The following GSAP variants were observed in gnomAD, a reference collection of about 807,000 sequenced individuals.
GSAP encodes gamma-secretase activating protein, also known as gamma-secretase-activating protein.
A neutral mutation model predicts 131.7 loss-of-function variants in GSAP; 118 were observed. The ratio of observed to expected loss-of-function variants is 0.90; its 90% CI spans 0.77 to 1.04. The LOEUF (loss-of-function observed/expected upper bound fraction) is 1.04. Among genes scored for constraint, GSAP ranks in the 50% least tolerant of loss-of-function variants. The pLI is 0.00. For synonymous variants in GSAP, 381 were observed against 363.4 expected, an observed-to-expected ratio of 1.05 and a Z score of -0.55; for missense variants, 1,019 against 1,013.2, an observed-to-expected ratio of 1.01 and a Z score of -0.08.
intron 5 of GSAP, among the ~76,000 whole-genome samples, chr7:77,391,188 T>TA (rs1799478833): frequency 6.6e-6 from 1 of 150,792 alleles, no homozygotes; most frequent in African/African-American, 2.4e-5. Flanking sequence ...CTTTTTTTTT[T>TA]AAGCAGGAAT....
At chr7:77,364,300 A>T (rs760952971) in intron 12 of GSAP, among the ~76,000 whole-genome samples, 35 of 152,126 alleles carry the variant, frequency 2.3e-4, no homozygotes, top group Non-Finnish European at 2.8e-4. Flanking sequence ...AATGAACATG[A>T]TGGCAACATA....
In GSAP at chr7:77,355,412, T is replaced by G. The variant is rs1412453785; in HGVS notation, c.1139A>C (p.Asp380Ala). 3.2e-6 allele frequency: 5 copies of G among 1,578,384 alleles called. No individual in the cohort carries two copies. The highest frequency in any genetic ancestry group is 4.3e-6 in the Non-Finnish European group (5 of 1,159,478). Residue 380 changes from aspartate to alanine, a missense_variant, in exon 16 of 31, where the codon GAT (aspartate) becomes GCT (alanine). Asp to Ala is a moderately radical substitution (Grantham distance 126). Coordinates refer to ENST00000257626, the MANE Select transcript of GSAP (RefSeq NM_017439.4). ...LFLTGNNEMI[D>A]MLPHCPLQSL... ...CTGTAAAGGGCAATGAGGTAGCATA[T>G]CAATCATTTCATTATTTCCTGGCAA...
intron 3 of GSAP, among the ~76,000 whole-genome samples, chr7:77,401,616 A>C (rs1293723483): frequency 6.6e-6 from 1 of 152,206 alleles, no homozygotes. Context: ...TGAAAGAGAA[A>C]GGACATGATA....
rs114439723 is a variant in GSAP at position 77,341,386 on chromosome 7, A to C, written c.1545+7965T>G. On this transcript the variant is annotated intron_variant, in intron 19 of 30. Coordinates refer to ENST00000257626, the MANE Select transcript of GSAP (RefSeq NM_017439.4). ...AGGTCCCAATTCTTCTTCAGCCTCC[A>C]CTATCCCACCCTATAATCCTTTTAT... Among the ~76,000 whole-genome samples the C allele has an allele frequency of 1.0e-2, 1,520 of 152,022 alleles. 26 individuals are homozygous for C. The highest frequency in any genetic ancestry group is 0.035 in the African/African-American group (1,449 of 41,438).
chr7:77,416,179 GC>G, intron 1 of GSAP, 33 bp downstream of exon 1: 2 of 435,038 alleles, frequency 4.6e-6, no homozygotes, highest in African/African-American at 2.4e-5. Context: ...CCCACTCCCC[GC>G]CCCCACCCCT....
At chr7:77,384,011 C>G (rs535041086) in intron 6 of GSAP, among the ~76,000 whole-genome samples, 5 of 152,146 alleles carry the variant, frequency 3.3e-5, no homozygotes, top group Non-Finnish European at 5.9e-5. Context: ...TATAAAATAG[C>G]AATGCAGAAT....
chr7:77,360,755 G>C, intron 14 of GSAP, 69 bp downstream of exon 14: 1 of 819,380 alleles, frequency 1.2e-6, no homozygotes, highest in Non-Finnish European at 2.2e-6. Context: ...GGATAGTATA[G>C]AAGGCTGAGG....
chr7:77,326,290 C>A lies in GSAP; in HGVS notation c.1766-17G>T. On this transcript the variant is annotated splice_polypyrimidine_tract_variant and intron_variant, in intron 22 of 30. Transcript: ENST00000257626. Reference sequence around the variant, plus strand: ...ATCTTGGCCCTGAAATGAAACAGAGCAATAGTTAGGCTCTGAGCAGTTTTC... The same window carrying A: ...ATCTTGGCCCTGAAATGAAACAGAGAAATAGTTAGGCTCTGAGCAGTTTTC... 6.3e-7 allele frequency: 1 copy of A among 1,595,442 alleles called. No homozygotes were observed. Among genetic ancestry groups the A allele is most frequent in the South Asian group, 1.1e-5 (1 of 90,228 alleles).
At chr7:77,395,409 G>C (rs1435920919) in intron 5 of GSAP, among the ~76,000 whole-genome samples, 1 of 152,034 alleles carries the variant, frequency 6.6e-6, no homozygotes, top group Non-Finnish European at 1.5e-5. Flanking sequence ...CCATACCCTT[G>C]TTTTAAGGGT....
chr7:77,368,707 C>A (rs1350065454), intron 12 of GSAP, among the ~76,000 whole-genome samples: 1 of 152,178 alleles, frequency 6.6e-6, no homozygotes, highest in Non-Finnish European at 1.5e-5. Context: ...ATTATCTAAG[C>A]CTCAGTTTCC....
intron 19 of GSAP, among the ~76,000 whole-genome samples, chr7:77,344,635 A>AT (rs1791514934): frequency 6.6e-6 from 1 of 152,188 alleles, no homozygotes. Context: ...CACAGCTAGT[A>AT]TCTCCTGGTG....
In GSAP at chr7:77,377,370, A is replaced by G; in HGVS notation, c.597T>C (p.His199=). ...GNRVVIKNSG[H]LPRDRIAEDF... ...CCTCAGCTATTCTGTCTCTTGGGAG[A>G]TGGCCAGAATTTTTAATCACCTAAA... is the stretch of plus-strand genomic sequence containing the variant. Residue 199 remains histidine, a synonymous_variant, in exon 9 of 31, where the codon CAT becomes CAC. Transcript: ENST00000257626. 1 of 1,494,332 alleles carries G rather than the reference A, an allele frequency of 6.7e-7. No homozygotes were observed. The highest frequency in any genetic ancestry group is 9.0e-7 in the Non-Finnish European group (1 of 1,110,968). 92.6% of individuals were successfully genotyped at this position (1,494,332 alleles called of 1,614,324 possible). A position where few individuals can be genotyped will look rare whatever the true frequency, so the allele number is the denominator to read the frequency against.
chr7:77,320,130 C>T (rs1787432025), intron 26 of GSAP, among the ~76,000 whole-genome samples: 1 of 152,160 alleles, frequency 6.6e-6, no homozygotes, highest in Admixed American at 6.5e-5. Flanking sequence ...TTTCTATGTA[C>T]ATCTTCCCAA....
chr7:77,365,296 T>C (rs377717147), intron 12 of GSAP, among the ~76,000 whole-genome samples: 3 of 152,042 alleles, frequency 2.0e-5, no homozygotes, highest in East Asian at 1.9e-4. Flanking sequence ...TAAACTCATA[T>C]CACAGGGGTT....
Position 77,374,285 on chromosome 7 carries a change from A to C in GSAP, c.786-130T>G, listed in dbSNP as rs77224736. ...CATTCCTGAGAAATTTAAGTAGATA[A>C]CTTTTTTTGGTTAATAAATTCTGTA... On this transcript the variant is annotated intron_variant, in intron 11 of 30. Transcript: ENST00000257626. The C allele has an allele frequency of 4.1e-3, 2,280 of 558,696 alleles. 39 individuals are homozygous for C. Among genetic ancestry groups the C allele is most frequent in the African/African-American group, 0.04 (2,042 of 51,174 alleles). The allele number at this position is 558,696 out of a possible 1,614,324, so 34.6% of individuals were successfully genotyped here.
At chr7:77,404,059 C>T (rs1450532716) in intron 3 of GSAP, among the ~76,000 whole-genome samples, 2 of 152,142 alleles carry the variant, frequency 1.3e-5, no homozygotes, top group African/African-American at 4.8e-5. Context: ...ATTACAAGAA[C>T]TGGAGTTATT....
intron 8 of GSAP, among the ~76,000 whole-genome samples, chr7:77,377,839 C>T (rs1797186011): frequency 6.6e-6 from 1 of 152,198 alleles, no homozygotes; most frequent in Non-Finnish European, 1.5e-5. Flanking sequence ...GGCAATGACC[C>T]CAATTTGGCC....
intron 18 of GSAP, chr7:77,351,286 G>C (rs1792832537): frequency 1.1e-6 from 1 of 950,270 alleles, no homozygotes; most frequent in Non-Finnish European, 1.3e-6. Context: ...AAGAGGTATA[G>C]TTGTTTGCAA....
chr7:77,368,738 T>C (rs6949570), intron 12 of GSAP, among the ~76,000 whole-genome samples: 12,968 of 152,270 alleles, frequency 0.085, 595 homozygotes, highest in South Asian at 0.23. Flanking sequence ...ATAAAGAAAA[T>C]ATAGAACTTA....
Sources: allele counts gnomAD v4.1 joint callset (sites outside exome capture counted in the v4.1 genomes callset), GRCh38; gene constraint gnomAD v4.1.1; transcripts MANE v1.5; gene names NCBI Gene and HGNC (gene_info 2026-07-23, HGNC 2026-07-21).